HCLS1: variants seen among roughly 807,000 people sequenced by gnomAD.
HCLS1 encodes hematopoietic lineage cell-specific protein.
In HCLS1, 44 loss-of-function variants were observed where a neutral mutation model predicts 68.6. That is an observed-to-expected ratio of 0.64 (90% CI 0.50 to 0.82). The LOEUF is 0.82. Among genes scored for constraint, HCLS1 ranks in the 40% least tolerant of loss-of-function variants. The pLI is 0.00. For synonymous variants in HCLS1, 217 were observed against 225.8 expected (o/e 0.96, Z 0.35); for missense variants, 602 against 612.1 (o/e 0.98, Z 0.17).
intron 4 of HCLS1, among the ~76,000 whole-genome samples, chr3:121,646,367 C>T (rs56651751): frequency 5.7e-5 from 3 of 52,840 alleles, no homozygotes; most frequent in East Asian, 1.3e-3. Context: ...CATTATATTA[C>T]ATATTATTAC....
At chr3:121,645,182 A>G (rs928770925) in intron 4 of HCLS1, among the ~76,000 whole-genome samples, 1 of 152,226 alleles carries the variant, frequency 6.6e-6, no homozygotes, top group Admixed American at 6.5e-5. Flanking sequence ...GCTGGGAACC[A>G]GGGGATAGAG....
intron 7 of HCLS1, among the ~76,000 whole-genome samples, 156 bp downstream of exon 7, chr3:121,636,989 AC>A (rs2049156027): frequency 6.6e-6 from 1 of 150,770 alleles, no homozygotes; most frequent in Admixed American, 6.6e-5. Context: ...TCCCCTCACT[AC>A]CACCACCTGT....
At position 121,647,349 on chromosome 3, in the gene HCLS1, C is replaced by T; in HGVS notation, c.258G>A (p.Arg86=). 1 of 1,614,056 alleles carries T rather than the reference C, an allele frequency of 6.2e-7. No homozygotes were observed. The highest frequency in any genetic ancestry group is 8.5e-7 in the Non-Finnish European group (1 of 1,179,974). The part of the protein sequence containing the change: ...GPKASHGYGG[R]FGVERDRMDK... ...CCATTCGGTCTCTTTCTACTCCAAA[C>T]CGACCTCCATAGCCATGGGATGCTT... The change falls in exon 4 of 14, where the codon CGG becomes CGA. Residue 86 remains arginine, a synonymous_variant. Coordinates refer to ENST00000314583, the MANE Select transcript of HCLS1 (RefSeq NM_005335.6).
chr3:121,641,898 G>C (rs1269082835), intron 6 of HCLS1, among the ~76,000 whole-genome samples: 2 of 148,150 alleles, frequency 1.3e-5, no homozygotes, highest in Non-Finnish European at 3.0e-5. Flanking sequence ...TGGCTAACAT[G>C]GTGAAACCCC....
At chr3:121,659,418 A>C (rs1937943827) in intron 1 of HCLS1, among the ~76,000 whole-genome samples, 1 of 152,098 alleles carries the variant, frequency 6.6e-6, no homozygotes, top group South Asian at 2.1e-4. Flanking sequence ...ATCCCATTGG[A>C]GACCTTCCCC....
Position 121,637,180 on chromosome 3 carries a change from G to A in HCLS1, c.531C>T (p.Tyr177=), listed in dbSNP as rs543316141. The change falls in exon 7 of 14, where the codon TAC becomes TAT. Residue 177 remains tyrosine (Y), a synonymous_variant. Transcript: ENST00000314583. ...KWDKAALGYD[Y]KGETEKHESQ... ...ACTCGTGTTTCTCCGTCTCTCCCTTGTAGTCATATCCCAGAGCTGCTTTGT... is the reference window on the plus strand; with the variant it reads ...ACTCGTGTTTCTCCGTCTCTCCCTTATAGTCATATCCCAGAGCTGCTTTGT... The A allele has an allele frequency of 1.9e-5, 30 of 1,613,618 alleles. No homozygotes were observed. Among genetic ancestry groups the A allele is most frequent in the Non-Finnish European group, 2.5e-5 (29 of 1,179,648 alleles).
Position 121,644,805 on chromosome 3 carries a change from A to T in HCLS1, c.399+13T>A. On this transcript the variant is annotated intron_variant, in intron 5 of 13. Transcript: ENST00000314583. ...CTGGAGGTGGGTGGTTGGGAGAGAG[A>T]GTGGTCACTTACCTTGTCTGCCCTG... 1 of 1,571,192 alleles carries T rather than the reference A, an allele frequency of 6.4e-7. No individual in the cohort carries two copies. The highest frequency in any genetic ancestry group is 8.8e-7 in the Non-Finnish European group (1 of 1,140,608).
chr3:121,646,115 T>C (rs1360141561), intron 4 of HCLS1, among the ~76,000 whole-genome samples: 1 of 114,486 alleles, frequency 8.7e-6, no homozygotes, highest in South Asian at 2.5e-4. Context: ...TTATATATAA[T>C]ATATACTTAT....
chr3:121,634,153 C>A, intron 10 of HCLS1, 54 bp downstream of exon 10: 1 of 1,610,962 alleles, frequency 6.2e-7, no homozygotes, highest in African/African-American at 1.3e-5. Flanking sequence ...ACCCCTTAGG[C>A]TCCTGTCTGG....
At chr3:121,657,129 G>T in intron 3 of HCLS1, 150 bp downstream of exon 3, 1 of 654,118 alleles carries the variant, frequency 1.5e-6, no homozygotes, top group South Asian at 1.9e-5. Context: ...GGTACACACA[G>T]GAACAGACTC....
At chr3:121,658,422 C>A (rs1475018161) in intron 1 of HCLS1, 75 bp from the exon 2 acceptor site, 3 of 1,071,878 alleles carry the variant, frequency 2.8e-6, no homozygotes, top group South Asian at 2.7e-5. Flanking sequence ...ATGCTGAAGT[C>A]AAAATATAGC....
intron 3 of HCLS1, among the ~76,000 whole-genome samples, chr3:121,654,770 T>C (rs577410678): frequency 1.3e-5 from 2 of 152,306 alleles, no homozygotes; most frequent in East Asian, 1.9e-4. Flanking sequence ...TTTTGTTTTT[T>C]CATTTTGGGA....
At chr3:121,638,366 T>A (rs953221944) in intron 6 of HCLS1, among the ~76,000 whole-genome samples, 1 of 152,160 alleles carries the variant, frequency 6.6e-6, no homozygotes, top group Non-Finnish European at 1.5e-5. Context: ...CCTGGTCAGA[T>A]TTTAAATTCC....
At chr3:121,632,258 A>T (rs2049104755) in intron 12 of HCLS1, 74 bp from the exon 13 acceptor site, 1 of 1,600,274 alleles carries the variant, frequency 6.2e-7, no homozygotes, top group African/African-American at 1.3e-5. Context: ...TACTGGGGCA[A>T]TAGAGAAATT....
intron 8 of HCLS1, 95 bp downstream of exon 8, chr3:121,636,339 T>G: frequency 9.9e-7 from 1 of 1,013,286 alleles, no homozygotes; most frequent in Non-Finnish European, 1.6e-6. Context: ...AGCACCACCG[T>G]CCCCTCCCTC....
At position 121,632,506 on chromosome 3, in the gene HCLS1, C is replaced by T. The variant is rs771074712; in HGVS notation, c.1066G>A (p.Glu356Lys). The change falls in exon 12 of 14, where the codon GAA becomes AAA. Residue 356 changes from glutamate (E) to lysine (K), a missense_variant. By Grantham distance (56) the Glu-to-Lys change is moderately conservative. Transcript: ENST00000314583. ...PRTLEGLQVE[E>K]EPVYEAEPEP... ...GGCTCTGCTTCGTACACTGGCTCTT[C>T]CTCCACCTGGAGGCCTTCCAGAGTC... is the stretch of plus-strand genomic sequence containing the variant. The T allele has an allele frequency of 1.3e-6, 2 of 1,592,634 alleles. No homozygotes were observed. The highest frequency in any genetic ancestry group is 1.1e-5 in the South Asian group (1 of 88,932).
chr3:121,647,612 C>A, intron 3 of HCLS1, 164 bp from the exon 4 acceptor site: 1 of 599,034 alleles, frequency 1.7e-6, no homozygotes. Context: ...ATCAGTCTGG[C>A]CTGCATACCA....
rs749211027 is a variant in HCLS1, at chr3:121,644,876, G to T, written c.341C>A (p.Thr114Lys). 1 of 1,613,952 alleles carries T rather than the reference G, an allele frequency of 6.2e-7. No individual in the cohort carries two copies. ...GCCCCCAAAGCCTTTGGCAGCATCC[G>T]TCTGAGAAGAGTGCTTCTCCACCTC... ...VAEVEKHSSQ[T>K]DAAKGFGGKY... Residue 114 changes from threonine (T) to lysine (K), a missense_variant, in exon 5 of 14, where the codon ACG becomes AAG. Thr to Lys is a moderately conservative substitution (Grantham distance 78, BLOSUM62 -1). Coordinates refer to ENST00000314583, the MANE Select transcript of HCLS1 (RefSeq NM_005335.6).
In HCLS1 at chr3:121,634,379, G is replaced by A; in HGVS notation, c.731C>T (p.Ser244Phe). ...TCGCTTCCTCTTCTCCTCAGCCATGGACTCAAATTTCGCCTTCAGCCCACG... is the reference window on the plus strand; with the variant it reads ...TCGCTTCCTCTTCTCCTCAGCCATGAACTCAAATTTCGCCTTCAGCCCACG... ...GTRGLKAKFE[S>F]MAEEKRKREE... Residue 244 changes from serine (S) to phenylalanine (F), a missense_variant, in exon 10 of 14, where the codon TCC becomes TTC. Transcript: ENST00000314583. 2 of 1,614,106 alleles carry A rather than the reference G, an allele frequency of 1.2e-6. No homozygotes were observed. The highest frequency in any genetic ancestry group is 1.7e-5 in the Admixed American group (1 of 60,028).
Sources: allele counts gnomAD v4.1 joint callset (sites outside exome capture counted in the v4.1 genomes callset), GRCh38; gene constraint gnomAD v4.1.1; transcripts MANE v1.5; gene names NCBI Gene and HGNC (gene_info 2026-07-23, HGNC 2026-07-21).